ZC3H7A: variants seen among roughly 807,000 people sequenced by gnomAD.
The protein encoded by ZC3H7A is zinc finger CCCH-type containing 7A, also known as zinc finger CCCH domain-containing protein 7A.
In ZC3H7A, 44 loss-of-function variants were observed where a neutral mutation model predicts 125.5. The ratio of observed to expected loss-of-function variants is 0.35; its 90% CI spans 0.28 to 0.45. ZC3H7A has a LOEUF of 0.45. Among genes scored for constraint, ZC3H7A ranks in the 20% least tolerant of loss-of-function variants. ZC3H7A has a pLI of 1.00. For synonymous variants in ZC3H7A, 399 were observed against 391.2 expected (o/e 1.02, Z -0.23); for missense variants, 977 against 1,170.7 (o/e 0.83, Z 2.41).
chr16:11,763,906 C>G (rs909355557), intron 15 of ZC3H7A, among the ~76,000 whole-genome samples: 2 of 150,250 alleles, frequency 1.3e-5, no homozygotes, highest in African/African-American at 2.4e-5. Flanking sequence ...CGGGTTCACA[C>G]CATTCTCCTG....
chr16:11,785,066 G>A (rs1006680738), intron 1 of ZC3H7A, among the ~76,000 whole-genome samples: 3 of 151,910 alleles, frequency 2.0e-5, no homozygotes, highest in Admixed American at 2.0e-4. Context: ...GCTGGGGCAG[G>A]AGAATCGCTT....
rs746259386 is a variant in ZC3H7A at position 11,761,986 on chromosome 16, C to T, written c.2137G>A (p.Ala713Thr). 20 of 1,613,162 alleles carry T rather than the reference C, an allele frequency of 1.2e-5. No individual in the cohort carries two copies. The highest frequency in any genetic ancestry group is 2.2e-5 in the South Asian group (2 of 90,792). ...ACTTGACCGTTTCTCAGACACTGGG[C>T]GCACACAAACTTTATCTTCATATTA... Reference protein sequence around the residue: ...FLNMKIKFVCAQCLRNGQVIE... With the variant: ...FLNMKIKFVCTQCLRNGQVIE... The change falls in exon 18 of 23, where the codon GCC becomes ACC. Residue 713 changes from alanine (A) to threonine (T), a missense_variant. This residue lies in a region of ZC3H7A where 436 missense variants were observed against 603.2 expected (regional missense o/e 0.72). Coordinates refer to ENST00000355758, the MANE Select transcript of ZC3H7A (RefSeq NM_014153.4).
intron 1 of ZC3H7A, among the ~76,000 whole-genome samples, chr16:11,793,747 G>T (rs1459899881): frequency 1.3e-5 from 2 of 152,208 alleles, no homozygotes; most frequent in African/African-American, 4.8e-5. Context: ...GCCTCAGAAG[G>T]CTGCAAACCC....
intron 1 of ZC3H7A, among the ~76,000 whole-genome samples, chr16:11,784,346 T>C (rs545248343): frequency 6.6e-6 from 1 of 152,124 alleles, no homozygotes; most frequent in South Asian, 2.1e-4. Flanking sequence ...TATATTTTTT[T>C]AATTTATAAA....
chr16:11,771,643 G>T (rs1000735179), intron 9 of ZC3H7A, among the ~76,000 whole-genome samples: 18 of 151,668 alleles, frequency 1.2e-4, no homozygotes, highest in African/African-American at 4.4e-4. Context: ...TGGGATTACA[G>T]GCATGCGCCA....
chr16:11,763,421 TC>T, intron 16 of ZC3H7A, 56 bp downstream of exon 16: 1 of 1,506,196 alleles, frequency 6.6e-7, no homozygotes, highest in Non-Finnish European at 9.0e-7. Context: ...AATTACTGTT[TC>T]ATTAAACCCT....
intron 1 of ZC3H7A, among the ~76,000 whole-genome samples, chr16:11,794,263 T>C (rs1342197896): frequency 6.6e-6 from 1 of 152,238 alleles, no homozygotes; most frequent in African/African-American, 2.4e-5. Context: ...AATGTCCTGC[T>C]CCAAATTCAG....
chr16:11,776,613 C>A, intron 5 of ZC3H7A, 81 bp from the exon 6 acceptor site: 1 of 1,497,688 alleles, frequency 6.7e-7, no homozygotes, highest in Non-Finnish European at 9.0e-7. Flanking sequence ...GGAAGTTTCC[C>A]ATCAAGACAC....
At chr16:11,790,796 C>G (rs1465701381) in intron 1 of ZC3H7A, among the ~76,000 whole-genome samples, 8 of 151,874 alleles carry the variant, frequency 5.3e-5, no homozygotes, top group African/African-American at 1.9e-4. Flanking sequence ...ACCTCGGTCT[C>G]TCCCAGGAGG....
intron 1 of ZC3H7A, among the ~76,000 whole-genome samples, chr16:11,787,841 A>AGGCTG (rs2053282427): frequency 6.6e-6 from 1 of 151,848 alleles, no homozygotes; most frequent in Non-Finnish European, 1.5e-5. Flanking sequence ...AGCTACTCGG[A>AGGCTG]AGGCTGAGGC....
At chr16:11,781,503 C>A (rs1360991161) in intron 2 of ZC3H7A, 39 bp from the exon 3 acceptor site, 1 of 1,597,892 alleles carries the variant, frequency 6.3e-7, no homozygotes, top group Non-Finnish European at 8.6e-7. Flanking sequence ...TTATCAAGCT[C>A]CTTATCGGGA....
chr16:11,756,344 G>C lies in ZC3H7A; in HGVS notation c.2455C>G (p.Leu819Val), dbSNP rs746401051. The C allele has an allele frequency of 1.2e-6, 2 of 1,613,350 alleles. No individual in the cohort carries two copies. Among genetic ancestry groups the C allele is most frequent in the East Asian group, 4.5e-5 (2 of 44,894 alleles). The change falls in exon 21 of 23, where the codon CTA (leucine) becomes GTA (valine). Residue 819 changes from leucine (L) to valine (V), a missense_variant. Physicochemically the swap from Leu to Val is conservative, Grantham distance 32. Coordinates refer to ENST00000355758, the MANE Select transcript of ZC3H7A (RefSeq NM_014153.4). ...TCATTTTTTTGACTCTTGAGCCATA[G>C]TTCGTAAAATTGCTCCATATCTTGT... ...GIQDMEQFYE[L>V]WLKSQKNEKS...
chr16:11,776,272 C>A, intron 7 of ZC3H7A, 48 bp downstream of exon 7: 2 of 1,538,922 alleles, frequency 1.3e-6, no homozygotes, highest in South Asian at 1.2e-5. Flanking sequence ...TTGCTCCCAT[C>A]CTTCCCTTTA....
chr16:11,774,494 T>A lies in ZC3H7A; in HGVS notation c.645A>T (p.Ala215=). 6.4e-7 allele frequency: 1 copy of A among 1,559,668 alleles called. No homozygotes were observed. Among genetic ancestry groups the A allele is most frequent in the Non-Finnish European group, 8.7e-7 (1 of 1,151,298 alleles). The change falls in exon 9 of 23, where the codon GCA becomes GCT. Residue 215 remains alanine (A), a synonymous_variant. Coordinates refer to ENST00000355758, the MANE Select transcript of ZC3H7A (RefSeq NM_014153.4). ...GTGCCGGTAAAGAGACAACAGGAACTGCTTCTTGCCTTGGAGTTAATAAAT... is the reference window on the plus strand; with the variant it reads ...GTGCCGGTAAAGAGACAACAGGAACAGCTTCTTGCCTTGGAGTTAATAAAT... ...EPDLLTPRQE[A]VPVVSLPAPS...
intron 20 of ZC3H7A, among the ~76,000 whole-genome samples, chr16:11,757,510 A>G (rs959520004): frequency 1.1e-4 from 16 of 148,776 alleles, no homozygotes; most frequent in African/African-American, 3.9e-4. Context: ...AAAAAAAAAA[A>G]AATTTGTTCC....
At chr16:11,784,316 T>C (rs554110746) in intron 1 of ZC3H7A, among the ~76,000 whole-genome samples, 22 of 152,224 alleles carry the variant, frequency 1.4e-4, no homozygotes, top group African/African-American at 5.3e-4. Flanking sequence ...TTAATAGAAA[T>C]GCTTTTTTAA....
At chr16:11,773,605 G>A (rs1027703111) in intron 9 of ZC3H7A, among the ~76,000 whole-genome samples, 6 of 151,862 alleles carry the variant, frequency 4.0e-5, no homozygotes, top group South Asian at 2.1e-4. Context: ...TCCTGAGGCC[G>A]GGCATGGTAG....
chr16:11,768,369 G>T lies in ZC3H7A; in HGVS notation c.1306C>A (p.Leu436Ile). The change falls in exon 12 of 23, where the codon CTC (leucine) becomes ATC (isoleucine). Residue 436 changes from leucine (L) to isoleucine (I), a missense_variant. This residue lies in a region of ZC3H7A where 342 missense variants were observed against 311.3 expected (regional missense o/e 1.10). Coordinates refer to ENST00000355758, the MANE Select transcript of ZC3H7A (RefSeq NM_014153.4). ...TGTCTCAATTCATGGGTTCCTTCGAGGGGATGTCTTGGAGTCACTGATGAA... is the reference window on the plus strand; with the variant it reads ...TGTCTCAATTCATGGGTTCCTTCGATGGGATGTCTTGGAGTCACTGATGAA... ...PSSSVTPRHPLEGTHELRQAC... is the reference protein window; with the variant it reads ...PSSSVTPRHPIEGTHELRQAC... 1 of 1,589,032 alleles carries T rather than the reference G, an allele frequency of 6.3e-7. No individual in the cohort carries two copies. Among genetic ancestry groups the T allele is most frequent in the Non-Finnish European group, 8.6e-7 (1 of 1,164,528 alleles).
intron 10 of ZC3H7A, among the ~76,000 whole-genome samples, chr16:11,769,943 T>C (rs2052949879): frequency 1.3e-5 from 2 of 150,708 alleles, no homozygotes; most frequent in African/African-American, 2.4e-5. Context: ...GCACACACCA[T>C]ACCCAGCTAA....
Sources: allele counts gnomAD v4.1 joint callset (sites outside exome capture counted in the v4.1 genomes callset), GRCh38; gene constraint gnomAD v4.1.1; regional missense constraint gnomAD v4.1.1; transcripts MANE v1.5; gene names NCBI Gene and HGNC (gene_info 2026-07-23, HGNC 2026-07-21).